Variants in ZFHX3 observed in about 807,000 individuals in gnomAD.
ZFHX3 encodes the protein zinc finger homeobox protein 3.
Under a neutral mutation model 279.1 loss-of-function variants are expected in ZFHX3, and 42 were observed. That is an observed-to-expected ratio of 0.15 (90% CI 0.12 to 0.19). The LOEUF (loss-of-function observed/expected upper bound fraction) is 0.19. Ranked by LOEUF, ZFHX3 falls within the 10% of genes least tolerant of loss-of-function variation. The pLI is 1.00. For missense variants in ZFHX3, 4,981 were observed against 4,754.0 expected, an observed-to-expected ratio of 1.05 and a Z score of -1.40; for synonymous variants, 2,293 against 1,957.8, an observed-to-expected ratio of 1.17 and a Z score of -4.52.
chr16:72,991,200 ATT>A (rs1308119354), intron 1 of ZFHX3, among the ~76,000 whole-genome samples: 1 of 152,164 alleles, frequency 6.6e-6, no homozygotes, highest in Non-Finnish European at 1.5e-5. Context: ...ATTACAGGAT[ATT>A]GTTTTAATTG....
intron 5 of ZFHX3, among the ~76,000 whole-genome samples, chr16:73,183,999 C>T (rs2098022728): frequency 6.6e-6 from 1 of 152,146 alleles, no homozygotes; most frequent in Admixed American, 6.5e-5. Context: ...CTGTAAAGAG[C>T]AGGGCCTCAG....
chr16:73,820,687 G>GAT (rs1235059847), intron 1 of ZFHX3, among the ~76,000 whole-genome samples: 1 of 151,954 alleles, frequency 6.6e-6, no homozygotes, highest in East Asian at 1.9e-4. Context: ...ACTCATGAGA[G>GAT]ATATATAATA....
intron 5 of ZFHX3, among the ~76,000 whole-genome samples, chr16:73,190,626 C>G (rs1005591008): frequency 6.6e-6 from 1 of 152,202 alleles, no homozygotes; most frequent in African/African-American, 2.4e-5. Context: ...GAAGGGGACC[C>G]AGGCATCTGT....
chr16:73,806,392 C>A (rs988257552), intron 1 of ZFHX3, among the ~76,000 whole-genome samples: 1 of 152,162 alleles, frequency 6.6e-6, no homozygotes, highest in Non-Finnish European at 1.5e-5. Flanking sequence ...AGTGAGAGAA[C>A]AAGAGATCAG....
At chr16:73,563,170 TTGTGTGTGTGTG>T (rs200933190) in intron 2 of ZFHX3, among the ~76,000 whole-genome samples, 4,591 of 134,906 alleles carry the variant, frequency 0.034, 119 homozygotes, top group African/African-American at 0.067. Context: ...TTTTGTTTTG[TTGTGTGTGTGTG>T]TGTGTGTGTG....
chr16:72,866,910 T>C (rs1022656905), intron 4 of ZFHX3, among the ~76,000 whole-genome samples: 5 of 152,120 alleles, frequency 3.3e-5, no homozygotes, highest in African/African-American at 4.8e-5. Flanking sequence ...CTGGAAACAA[T>C]GGGATAAGCA....
At chr16:73,771,329 G>C (rs143788399) in intron 1 of ZFHX3, among the ~76,000 whole-genome samples, 1 of 152,074 alleles carries the variant, frequency 6.6e-6, no homozygotes, top group Non-Finnish European at 1.5e-5. Flanking sequence ...TGGTGATGGC[G>C]CCCCAACAGC....
intron 1 of ZFHX3, among the ~76,000 whole-genome samples, chr16:73,039,377 G>A (rs1467102466): frequency 1.3e-5 from 2 of 152,220 alleles, no homozygotes; most frequent in Non-Finnish European, 2.9e-5. Flanking sequence ...CAGTGAAGGT[G>A]TCTAAATGGG....
chr16:73,757,224 G>A (rs2053819188), intron 1 of ZFHX3, among the ~76,000 whole-genome samples: 1 of 152,170 alleles, frequency 6.6e-6, no homozygotes, highest in Non-Finnish European at 1.5e-5. Flanking sequence ...GAAACAAAGA[G>A]CAGAAGTCTG....
At chr16:73,473,326 G>C (rs866846895) in intron 2 of ZFHX3, among the ~76,000 whole-genome samples, 1 of 107,498 alleles carries the variant, frequency 9.3e-6, no homozygotes, top group Middle Eastern at 9.3e-3. Flanking sequence ...GACAGAGCGA[G>C]ACTGTCTCAA....
intron 3 of ZFHX3, among the ~76,000 whole-genome samples, chr16:73,444,317 C>G (rs552543623): frequency 1.3e-5 from 2 of 152,116 alleles, no homozygotes; most frequent in East Asian, 3.9e-4. Context: ...TAGAATATTC[C>G]GTATAAACAC....
chr16:73,612,689 C>A (rs917488815), intron 2 of ZFHX3, among the ~76,000 whole-genome samples: 2 of 152,212 alleles, frequency 1.3e-5, no homozygotes, highest in East Asian at 3.9e-4. Flanking sequence ...TGAGGACCAT[C>A]CTATCAGTGA....
At chr16:73,784,788 A>AC (rs1480471032) in intron 1 of ZFHX3, among the ~76,000 whole-genome samples, 116 of 82,588 alleles carry the variant, frequency 1.4e-3, no homozygotes, top group African/African-American at 0.011. Flanking sequence ...TAACAAAATA[A>AC]AAAAAAAAAT....
chr16:73,031,163 C>T (rs559471950), intron 1 of ZFHX3, among the ~76,000 whole-genome samples: 9 of 152,280 alleles, frequency 5.9e-5, no homozygotes, highest in African/African-American at 1.9e-4. Flanking sequence ...TCTCAAGAAG[C>T]GTAAAGAAAA....
intron 1 of ZFHX3, among the ~76,000 whole-genome samples, chr16:73,746,819 T>C (rs2053708196): frequency 6.6e-6 from 1 of 152,198 alleles, no homozygotes; most frequent in African/African-American, 2.4e-5. Flanking sequence ...CCCATATATT[T>C]AATTACCCAG....
chr16:73,264,167 CG>C (rs1223823671), intron 4 of ZFHX3, among the ~76,000 whole-genome samples: 1 of 151,970 alleles, frequency 6.6e-6, no homozygotes, highest in Non-Finnish European at 1.5e-5. Context: ...ACTCTATCTG[CG>C]GGGAAAAAAG....
intron 7 of ZFHX3, among the ~76,000 whole-genome samples, chr16:73,118,642 C>A (rs915189858): frequency 1.3e-5 from 2 of 152,106 alleles, no homozygotes; most frequent in East Asian, 3.8e-4. Flanking sequence ...GGTCACTGGA[C>A]CACTAGGAGT....
Position 73,590,197 on chromosome 16 carries a change from A to C in ZFHX3, c.-1547+89983T>G, listed in dbSNP as rs572642925. Among the ~76,000 whole-genome samples the C allele has an allele frequency of 2.0e-5, 3 of 152,334 alleles. No homozygotes were observed. The South Asian group carries it at 6.2e-4, about 32-fold the overall frequency. ...GAATTGGGAGTATCTGTGTGAACTC[A>C]TGATATAAAGAAAACATTTTCCAAC... On this transcript the variant is annotated intron_variant, in intron 2 of 17. Coordinates refer to the ZFHX3 transcript ENST00000641206.
At chr16:73,308,530 A>G (rs192622667) in intron 4 of ZFHX3, among the ~76,000 whole-genome samples, 23 of 151,928 alleles carry the variant, frequency 1.5e-4, no homozygotes, top group African/African-American at 5.5e-4. Flanking sequence ...ACCAGGTGGG[A>G]GTTCACCAGA....
Sources: gnomAD v4.1 joint callset for allele counts (sites outside exome capture counted in the v4.1 genomes callset) on GRCh38, gnomAD v4.1.1 for gene constraint, MANE v1.5 for transcripts, NCBI Gene and HGNC (gene_info 2026-07-23, HGNC 2026-07-21) for gene names.